Variants in KRT74 observed in about 807,000 individuals in gnomAD.
The protein encoded by KRT74 is keratin, type II cytoskeletal 74.
Under a neutral mutation model 42.7 loss-of-function variants are expected in KRT74, and 43 were observed. The observed-to-expected ratio is 1.01, with a 90% CI of 0.79 to 1.30. KRT74 has a LOEUF of 1.30. KRT74 is among the 50% of genes most tolerant of loss of function. KRT74 has a pLI of 0.00. For missense variants in KRT74, 736 were observed against 689.1 expected, an observed-to-expected ratio of 1.07 and a Z score of -0.76; for synonymous variants, 302 against 279.0, an observed-to-expected ratio of 1.08 and a Z score of -0.82.
rs1006632943 is a variant in KRT74, at chr12:52,566,147, A to G, written c.*822T>C. On this transcript the variant is annotated 3_prime_UTR_variant, in exon 9 of 9. Coordinates refer to ENST00000305620, the MANE Select transcript of KRT74 (RefSeq NM_175053.4). The stretch of plus-strand genomic sequence containing the variant: ...GGCAGTGACACACCACAGAAAAAGC[A>G]TAGATCCTTGTGTCGGCCAGGCCTG... The G allele has an allele frequency of 6.6e-6, 1 of 152,264 alleles. No homozygotes were observed. Among genetic ancestry groups the G allele is most frequent in the Non-Finnish European group, 1.5e-5 (1 of 68,050 alleles). 9.4% of individuals were successfully genotyped at this position (152,264 alleles called of 1,614,324 possible).
intron 6 of KRT74, among the ~76,000 whole-genome samples, chr12:52,568,789 A>G (rs1939424174): frequency 6.6e-6 from 1 of 151,958 alleles, no homozygotes; most frequent in Non-Finnish European, 1.5e-5. Context: ...CTGCTGCAGG[A>G]CCTCTCCCCA....
chr12:52,571,779 C>T (rs965067204), intron 3 of KRT74, among the ~76,000 whole-genome samples, 165 bp downstream of exon 3: 3 of 152,154 alleles, frequency 2.0e-5, no homozygotes, highest in African/African-American at 7.2e-5. Context: ...TGTGTCTTTC[C>T]TCTCCAACTC....
In KRT74 at chr12:52,569,989, T is replaced by C. The variant is rs756934944; in HGVS notation, c.1009-5A>G. On this transcript the variant is annotated splice_region_variant and splice_polypyrimidine_tract_variant and intron_variant, in intron 5 of 8. Coordinates refer to ENST00000305620, the MANE Select transcript of KRT74 (RefSeq NM_175053.4). ...TGCCAGCTGCAGCTCCTGGATCTGG[T>C]TTCCCAGAGATAGGAAGTTGGTGAT... 2 of 1,613,942 alleles carry C rather than the reference T, an allele frequency of 1.2e-6. No individual in the cohort carries two copies. Among genetic ancestry groups the C allele is most frequent in the South Asian group, 1.1e-5 (1 of 91,058 alleles).
intron 5 of KRT74, among the ~76,000 whole-genome samples, chr12:52,570,449 A>C (rs1328857869): frequency 6.6e-6 from 1 of 152,262 alleles, no homozygotes; most frequent in Non-Finnish European, 1.5e-5. Flanking sequence ...GGAGGAAAGA[A>C]GTGAGGGATC....
chr12:52,566,849 G>A lies in KRT74; in HGVS notation c.*120C>T, dbSNP rs975585258. On this transcript the variant is annotated 3_prime_UTR_variant, in exon 9 of 9. Transcript: ENST00000305620. Reference sequence around the variant, plus strand: ...TAAAAGCTAAACCACGATGCAGACAGTTGAGTGTACTACAGACAGTTTTAA... The same window carrying A: ...TAAAAGCTAAACCACGATGCAGACAATTGAGTGTACTACAGACAGTTTTAA... 10 of 727,284 alleles carry A rather than the reference G, an allele frequency of 1.4e-5. No homozygotes were observed. In the Admixed American group the frequency reaches 2.1e-4, roughly 15 times the overall value. The allele number at this position is 727,284 out of a possible 1,614,324, so 45.1% of individuals were successfully genotyped here.
In KRT74 at chr12:52,568,404, A is replaced by C; in HGVS notation, c.1135-15T>G. ...AGGCTGGCACGCTGAAGGGCAAAGA[A>C]CAGAGAGACCATCAGAACAGAAAAT... is the stretch of plus-strand genomic sequence containing the variant. On this transcript the variant is annotated splice_polypyrimidine_tract_variant and intron_variant, in intron 6 of 8. Coordinates refer to ENST00000305620, the MANE Select transcript of KRT74 (RefSeq NM_175053.4). 2 of 1,613,662 alleles carry C rather than the reference A, an allele frequency of 1.2e-6. No individual in the cohort carries two copies. The highest frequency in any genetic ancestry group is 1.7e-6 in the Non-Finnish European group (2 of 1,179,708).
At position 52,567,179 on chromosome 12, in the gene KRT74, G is replaced by T. The variant is rs762265984; in HGVS notation, c.1391-11C>A. 3 of 1,576,896 alleles carry T rather than the reference G, an allele frequency of 1.9e-6. No individual in the cohort carries two copies. In the South Asian group the frequency reaches 3.4e-5, roughly 18 times the overall value. The stretch of plus-strand genomic sequence containing the variant: ...TACTGCTGATGACAGCTGAGGAGGA[G>T]GGGCCAAGAGCAGGGGAGAGGAGCA... On this transcript the variant is annotated splice_polypyrimidine_tract_variant and intron_variant, in intron 8 of 8. Coordinates refer to ENST00000305620, the MANE Select transcript of KRT74 (RefSeq NM_175053.4).
At chr12:52,567,527 T>C in intron 8 of KRT74, 132 bp downstream of exon 8, 1 of 771,772 alleles carries the variant, frequency 1.3e-6, no homozygotes. Flanking sequence ...GAACATTTCC[T>C]TTGAAGCCCA....
intron 4 of KRT74, 140 bp from the exon 5 acceptor site, chr12:52,570,973 G>T (rs1055582519): frequency 1.5e-5 from 15 of 967,826 alleles, no homozygotes; most frequent in Non-Finnish European, 2.1e-5. Context: ...GTGCCCTCTG[G>T]GATGTGTCTG....
At chr12:52,568,569 T>A in intron 6 of KRT74, 180 bp from the exon 7 acceptor site, 2 of 670,128 alleles carry the variant, frequency 3.0e-6, no homozygotes, top group South Asian at 3.8e-5. Context: ...TATTCAAAGC[T>A]GTTATCACAT....
At chr12:52,572,777 C>A (rs1939511080) in intron 1 of KRT74, 110 bp from the exon 2 acceptor site, 2 of 1,008,854 alleles carry the variant, frequency 2.0e-6, no homozygotes, top group Admixed American at 2.0e-5. Flanking sequence ...GTCATTTTTG[C>A]TCATGTCTTG....
chr12:52,570,943 G>A, intron 4 of KRT74, 110 bp from the exon 5 acceptor site: 2 of 1,241,898 alleles, frequency 1.6e-6, no homozygotes, highest in South Asian at 2.5e-5. Context: ...GGATCCACGG[G>A]GACAAAGTAG....
chr12:52,570,673 G>T lies in KRT74; in HGVS notation c.1004C>A (p.Thr335Asn). ...SKAEAEALYQTKIQELQLAAS... is the reference protein window; with the variant it reads ...SKAEAEALYQNKIQELQLAAS... The stretch of plus-strand genomic sequence containing the variant: ...GGAGACCCATTCGGTGACCACCTTG[G>T]TCTGGTACAGGGCCTCGGCCTCGGC... The change falls in exon 5 of 9, where the codon ACC (threonine) becomes AAC (asparagine). Residue 335 changes from threonine (T) to asparagine (N), a missense_variant. Transcript: ENST00000305620. 1 of 1,614,248 alleles carries T rather than the reference G, an allele frequency of 6.2e-7. No individual in the cohort carries two copies. The highest frequency in any genetic ancestry group is 1.1e-5 in the South Asian group (1 of 91,088).
chr12:52,573,413 A>C lies in KRT74; in HGVS notation c.365T>G (p.Leu122Trp), dbSNP rs757621036. Residue 122 changes from leucine (L) to tryptophan (W), a missense_variant, in exon 1 of 9, where the codon TTG (leucine) becomes TGG (tryptophan). Transcript: ENST00000305620. ...IHQVTVNKSL[L>W]APLNVELDPE... Reference sequence around the variant, plus strand: ...GTCCAGCTCCACGTTGAGGGGGGCCAAGAGGCTCTTGTTGACAGTGACCTG... The same window carrying C: ...GTCCAGCTCCACGTTGAGGGGGGCCCAGAGGCTCTTGTTGACAGTGACCTG... The C allele has an allele frequency of 6.2e-7, 1 of 1,614,200 alleles. No homozygotes were observed. The highest frequency in any genetic ancestry group is 1.1e-5 in the South Asian group (1 of 91,086).
intron 8 of KRT74, among the ~76,000 whole-genome samples, 191 bp from the exon 9 acceptor site, chr12:52,567,359 A>G (rs1274707329): frequency 6.6e-6 from 1 of 152,160 alleles, no homozygotes; most frequent in Non-Finnish European, 1.5e-5. Flanking sequence ...GTGTGAGGTG[A>G]AGACCCCATC....
Position 52,566,860 on chromosome 12 carries a change from T to C in KRT74, c.*109A>G. On this transcript the variant is annotated 3_prime_UTR_variant, in exon 9 of 9. Coordinates refer to ENST00000305620, the MANE Select transcript of KRT74 (RefSeq NM_175053.4). ...CCACGATGCAGACAGTTGAGTGTAC[T>C]ACAGACAGTTTTAAAACTCAGGGCC... 2.3e-6 allele frequency: 2 copies of C among 856,728 alleles called. No homozygotes were observed. Among genetic ancestry groups the C allele is most frequent in the African/African-American group, 1.7e-5 (1 of 59,682 alleles). 53.1% of individuals were successfully genotyped at this position (856,728 alleles called of 1,614,324 possible). A position where few individuals can be genotyped will look rare whatever the true frequency, so the allele number is the denominator to read the frequency against.
intron 5 of KRT74, 122 bp from the exon 6 acceptor site, chr12:52,570,106 G>T: frequency 2.6e-6 from 3 of 1,143,054 alleles, no homozygotes; most frequent in East Asian, 5.0e-5. Context: ...GAGGAGTGCT[G>T]GGACAGGGTC....
chr12:52,573,279 G>T, intron 1 of KRT74, 28 bp downstream of exon 1: 1 of 1,604,496 alleles, frequency 6.2e-7, no homozygotes, highest in Non-Finnish European at 8.5e-7. Context: ...CTCAGGGTGC[G>T]GCCTCATCCT....
At chr12:52,571,868 T>C in intron 3 of KRT74, 76 bp downstream of exon 3, 1 of 1,044,956 alleles carries the variant, frequency 9.6e-7, no homozygotes, top group Non-Finnish European at 1.5e-6. Flanking sequence ...CCCAGCCTCC[T>C]GGGCTGAAGT....
Sources: allele counts gnomAD v4.1 joint callset (sites outside exome capture counted in the v4.1 genomes callset), GRCh38; gene constraint gnomAD v4.1.1; transcripts MANE v1.5; gene names NCBI Gene and HGNC (gene_info 2026-07-23, HGNC 2026-07-21).